Variants in BCAS3 observed in about 807,000 individuals in gnomAD.
BCAS3 encodes BCAS3 microtubule associated cell migration factor, also known as BCAS4/BCAS3 fusion.
Under a neutral mutation model 116.1 loss-of-function variants are expected in BCAS3, and 53 were observed. The ratio of observed to expected loss-of-function variants is 0.46; its 90% CI spans 0.37 to 0.57. The LOEUF is 0.57. Ranked by LOEUF, BCAS3 falls within the 20% of genes least tolerant of loss-of-function variation. The pLI, the probability that BCAS3 is intolerant of heterozygous loss-of-function variation, is 0.00. For missense variants in BCAS3, 917 were observed against 1,165.4 expected (o/e 0.79, Z 3.10); for synonymous variants, 391 against 408.2 (o/e 0.96, Z 0.51).
intron 5 of BCAS3, among the ~76,000 whole-genome samples, chr17:60,710,085 G>A (rs1172505598): frequency 6.6e-6 from 1 of 152,144 alleles, no homozygotes; most frequent in Non-Finnish European, 1.5e-5. Context: ...CCAAAATGCT[G>A]GGATTACAGG....
At position 61,124,069 on chromosome 17, in the gene BCAS3, G is replaced by A. The variant is rs1555729470; in HGVS notation, c.2425+39505G>A. 3.3e-5 allele frequency among the ~76,000 whole-genome samples: 5 copies of A among 151,720 alleles called. No individual in the cohort carries two copies. The highest frequency in any genetic ancestry group is 5.9e-5 in the Non-Finnish European group (4 of 67,882). On this transcript the variant is annotated intron_variant, in intron 22 of 23. Transcript: ENST00000407086. This position sits in a 1 kb window ranked among gnomAD's most constrained non-coding sequence, Gnocchi z 4.6. ...TGTTATTTCAAACTTGTATCTAGGA[G>A]AGAGATATATATATATACATATATA...
At chr17:60,771,030 ACTC>A (rs1480094405) in intron 6 of BCAS3, among the ~76,000 whole-genome samples, 11 of 146,960 alleles carry the variant, frequency 7.5e-5, no homozygotes, top group Non-Finnish European at 1.5e-5. Flanking sequence ...CTGCTCTTGA[ACTC>A]CTGACTTCAG....
intron 22 of BCAS3, among the ~76,000 whole-genome samples, chr17:61,190,226 A>T (rs963233103): frequency 1.3e-5 from 2 of 152,114 alleles, no homozygotes; most frequent in Admixed American, 1.3e-4. Context: ...TTATAGAATG[A>T]ATAGAAATGA....
rs557696705 is a variant in BCAS3, at chr17:61,013,273, A to G, written c.1487-2478A>G. Among the ~76,000 whole-genome samples the G allele has an allele frequency of 6.6e-6, 1 of 152,180 alleles. No individual in the cohort carries two copies. Among genetic ancestry groups the G allele is most frequent in the South Asian group, 2.1e-4 (1 of 4,822 alleles). ...AAGGAAAACAGTCCCTTACAGTGTT[A>G]TCTTAAGCTAAGGCACTCAACAAAT... is the stretch of plus-strand genomic sequence containing the variant. On this transcript the variant is annotated intron_variant, in intron 15 of 23. Transcript: ENST00000407086. The surrounding 1 kb of genome is among the most constrained non-coding windows in gnomAD (Gnocchi z 4.4).
rs35551914 is a variant in BCAS3, at chr17:61,194,740, C to CAA, written c.2425+110193_2425+110194dup. 6.9e-3 allele frequency among the ~76,000 whole-genome samples: 845 copies of CAA among 122,664 alleles called. 15 individuals are homozygous for CAA. Among genetic ancestry groups the CAA allele is most frequent in the South Asian group, 0.037 (137 of 3,746 alleles). 80.5% of individuals were successfully genotyped at this position (122,664 alleles called of 152,430 possible). A position where few individuals can be genotyped will look rare whatever the true frequency, so the allele number is the denominator to read the frequency against. Reference sequence around the variant, plus strand: ...GGGCAACAAGAGCAAGACTCTGTCTCAAAAAAAAAAAAAAAAAAGATATAC... The same window carrying CAA: ...GGGCAACAAGAGCAAGACTCTGTCTCAAAAAAAAAAAAAAAAAAAAGATATAC... On this transcript the variant is annotated intron_variant, in intron 22 of 23. Coordinates refer to ENST00000407086, the MANE Select transcript of BCAS3 (RefSeq NM_017679.5).
intron 6 of BCAS3, among the ~76,000 whole-genome samples, chr17:60,771,356 G>A (rs1457171593): frequency 2.6e-5 from 4 of 151,984 alleles, no homozygotes; most frequent in Non-Finnish European, 2.9e-5. Flanking sequence ...AGACCAATAC[G>A]TAGAAAAGCC....
chr17:61,221,523 T>A (rs2082110320), intron 22 of BCAS3, among the ~76,000 whole-genome samples: 1 of 152,218 alleles, frequency 6.6e-6, no homozygotes, highest in Non-Finnish European at 1.5e-5. Flanking sequence ...AATCTGATTA[T>A]CACGATTGGA....
chr17:60,902,691 T>G lies in BCAS3; in HGVS notation c.810T>G (p.Ile270Met). Residue 270 changes from isoleucine (I) to methionine (M), a missense_variant, in exon 11 of 24, where the codon ATT (isoleucine) becomes ATG (methionine). This residue lies in a region of BCAS3 where 807 missense variants were observed against 1,026.0 expected (regional missense o/e 0.79). Transcript: ENST00000407086. ...DNIQSYTATVISAAKTLKSGL... is the reference protein window; with the variant it reads ...DNIQSYTATVMSAAKTLKSGL... ...TTCAGTCTTATACTGCCACAGTCAT[T>G]AGTGCTGCTAAAGTGAGTACCTCCG... The G allele has an allele frequency of 1.9e-6, 3 of 1,609,470 alleles. No homozygotes were observed. Among genetic ancestry groups the G allele is most frequent in the Non-Finnish European group, 2.6e-6 (3 of 1,175,736 alleles).
chr17:60,697,553 A>G (rs1265850233), intron 4 of BCAS3, among the ~76,000 whole-genome samples: 6 of 148,640 alleles, frequency 4.0e-5, no homozygotes, highest in African/African-American at 1.5e-4. Context: ...ACTGCACTCC[A>G]GCCTGGGTGA....
chr17:60,930,109 T>C (rs1257065737), intron 13 of BCAS3, among the ~76,000 whole-genome samples: 2 of 152,174 alleles, frequency 1.3e-5, no homozygotes, highest in Admixed American at 6.5e-5. Context: ...TAAATTGGCT[T>C]TTTCCAAAAT....
intron 5 of BCAS3, among the ~76,000 whole-genome samples, chr17:60,716,004 G>T (rs572784767): frequency 4.6e-5 from 7 of 151,656 alleles, no homozygotes; most frequent in African/African-American, 1.7e-4. Context: ...CTTGAATTAC[G>T]GGCATGCGCC....
chr17:61,100,193 G>T (rs187075767), intron 22 of BCAS3, among the ~76,000 whole-genome samples: 4 of 152,266 alleles, frequency 2.6e-5, no homozygotes, highest in Admixed American at 6.5e-5. Context: ...AGTTTATGTA[G>T]TTCTCAAATG....
rs1411092293 is a variant in BCAS3, at chr17:61,365,764, C to T, written c.2426-2563C>T. On this transcript the variant is annotated intron_variant, in intron 22 of 23. Transcript: ENST00000407086. The surrounding 1 kb of genome is among the most constrained non-coding windows in gnomAD (Gnocchi z 4.6). ...ACTGAGCTCCTTTCTAGAGACAGACCTCCTGCTCTTGTGAAGTGAGAAAAC... is the reference window on the plus strand; with the variant it reads ...ACTGAGCTCCTTTCTAGAGACAGACTTCCTGCTCTTGTGAAGTGAGAAAAC... 6.6e-6 allele frequency among the ~76,000 whole-genome samples: 1 copy of T among 152,188 alleles called. No homozygotes were observed. The highest frequency in any genetic ancestry group is 1.5e-5 in the Non-Finnish European group (1 of 68,034).
chr17:61,151,383 T>A lies in BCAS3; in HGVS notation c.2425+66819T>A, dbSNP rs2144003666. On this transcript the variant is annotated intron_variant, in intron 22 of 23. Coordinates refer to ENST00000407086, the MANE Select transcript of BCAS3 (RefSeq NM_017679.5). This position sits in a 1 kb window ranked among gnomAD's most constrained non-coding sequence, Gnocchi z 4.8. ...CTATACCACTACCTCCTCCTCCTGT[T>A]TTTTCCTACTTTTTTTTTTTTTAAC... Among the ~76,000 whole-genome samples the A allele has an allele frequency of 6.7e-6, 1 of 149,276 alleles. No homozygotes were observed. The highest frequency in any genetic ancestry group is 2.6e-5 in the African/African-American group (1 of 38,704).
intron 6 of BCAS3, among the ~76,000 whole-genome samples, chr17:60,800,576 C>T (rs1299731738): frequency 6.6e-6 from 1 of 152,120 alleles, no homozygotes; most frequent in Non-Finnish European, 1.5e-5. Context: ...TTTGATAGAG[C>T]AAAATTTATA....
chr17:61,066,046 A>G (rs2070577459), intron 19 of BCAS3, among the ~76,000 whole-genome samples: 1 of 152,238 alleles, frequency 6.6e-6, no homozygotes, highest in African/African-American at 2.4e-5. Context: ...AAAACTAGGT[A>G]CCATTAGGGT....
intron 23 of BCAS3, among the ~76,000 whole-genome samples, chr17:61,385,377 C>G (rs1416149765): frequency 6.6e-6 from 1 of 152,242 alleles, no homozygotes; most frequent in Non-Finnish European, 1.5e-5. Flanking sequence ...GACATAAGGG[C>G]CCTGGGTGCA....
chr17:61,328,890 CTTTTTT>C (rs922578027), intron 22 of BCAS3, among the ~76,000 whole-genome samples: 3 of 122,608 alleles, frequency 2.4e-5, no homozygotes, highest in South Asian at 2.7e-4. Context: ...GACGCAGGCT[CTTTTTT>C]TTTTTTTTTT....
Position 61,215,970 on chromosome 17 carries a change from T to C in BCAS3, c.2425+131406T>C, listed in dbSNP as rs2081761689. ...TCCACTTCTCTAGTATATTCAAATA[T>C]ATATTTTGGTTGGTTCTCCCAGTAG... is the stretch of plus-strand genomic sequence containing the variant. On this transcript the variant is annotated intron_variant, in intron 22 of 23. Coordinates refer to ENST00000407086, the MANE Select transcript of BCAS3 (RefSeq NM_017679.5). This position sits in a 1 kb window ranked among gnomAD's most constrained non-coding sequence, Gnocchi z 4.8. Among the ~76,000 whole-genome samples the C allele has an allele frequency of 6.6e-6, 1 of 152,222 alleles. No homozygotes were observed. Among genetic ancestry groups the C allele is most frequent in the Non-Finnish European group, 1.5e-5 (1 of 68,042 alleles).
Sources: gnomAD v4.1 joint callset for allele counts (sites outside exome capture counted in the v4.1 genomes callset) on GRCh38, gnomAD v4.1.1 for gene constraint, gnomAD v4.1.1 regional missense constraint, Gnocchi (gnomAD v3.1) non-coding constraint, MANE v1.5 for transcripts, NCBI Gene and HGNC (gene_info 2026-07-23, HGNC 2026-07-21) for gene names.